Variants in REM2 observed in about 807,000 individuals in gnomAD.
REM2 encodes GTP-binding protein REM 2.
In REM2, 24 loss-of-function variants were observed where a neutral mutation model predicts 24.4. That is an observed-to-expected ratio of 0.98 (90% CI 0.71 to 1.38). REM2 has a LOEUF of 1.38. Ranked by LOEUF, REM2 falls within the 40% of genes most tolerant of loss-of-function variation. REM2 has a pLI of 0.00. For synonymous variants in REM2, 187 were observed against 198.0 expected (o/e 0.94, Z 0.47); for missense variants, 429 against 467.8 (o/e 0.92, Z 0.77).
In REM2 at chr14:22,885,274, T is replaced by G. The variant is rs1595037891; in HGVS notation, c.454T>G (p.Tyr152Asp). ...AHEPENPEDT[Y>D]ERRIMVDKEE... ...TCCCTATTTCCCAGCAGAGGATACC[T>G]ATGAGAGACGCATCATGGTGGATAA... The change falls in exon 3 of 5, where the codon TAT (tyrosine) becomes GAT (aspartate). Residue 152 changes from tyrosine (Y) to aspartate (D), a missense_variant. Tyr to Asp is a radical substitution (Grantham distance 160). Transcript: ENST00000267396. 2 of 1,613,390 alleles carry G rather than the reference T, an allele frequency of 1.2e-6. No individual in the cohort carries two copies. Among genetic ancestry groups the G allele is most frequent in the Non-Finnish European group, 8.5e-7 (1 of 1,179,334 alleles).
Position 22,886,610 on chromosome 14 carries a change from G to A in REM2, c.728-4G>A. ...CGGGCGCCTGAGCCGGTGCCTTCCT[G>A]CAGAGGGCCGCCACCTGGCCGGGAC... On this transcript the variant is annotated splice_region_variant and splice_polypyrimidine_tract_variant and intron_variant, in intron 4 of 4. Transcript: ENST00000267396. The surrounding 1 kb of genome is among the most constrained non-coding windows in gnomAD (Gnocchi z 5.9). 6.9e-7 allele frequency: 1 copy of A among 1,447,806 alleles called. No homozygotes were observed. The highest frequency in any genetic ancestry group is 9.1e-7 in the Non-Finnish European group (1 of 1,099,324). 89.7% of individuals were successfully genotyped at this position (1,447,806 alleles called of 1,614,324 possible).
At chr14:22,885,429 G>A in intron 3 of REM2, 90 bp downstream of exon 3, 3 of 961,902 alleles carry the variant, frequency 3.1e-6, no homozygotes, top group Non-Finnish European at 5.1e-6. Flanking sequence ...GGGACTGCTG[G>A]TCCTGGTTTC....
intron 1 of REM2, chr14:22,884,461 T>C (rs2040101154): frequency 3.0e-6 from 3 of 985,220 alleles, no homozygotes; most frequent in African/African-American, 3.5e-5. Flanking sequence ...TGGGACCGCA[T>C]TGGAGAAGCT....
intron 3 of REM2, among the ~76,000 whole-genome samples, 155 bp from the exon 4 acceptor site, chr14:22,885,869 C>T (rs529060798): frequency 1.3e-5 from 2 of 152,304 alleles, no homozygotes; most frequent in African/African-American, 4.8e-5. Flanking sequence ...CCTCCACAAA[C>T]ACTCTGGGTA....
chr14:22,886,187 G>C lies in REM2; in HGVS notation c.683G>C (p.Gly228Ala). Reference sequence around the variant, plus strand: ...CACGACCTACCCGTTATCCTCGTTGGAAACAAGAGCGACTTGGCCCGCTCC... The same window carrying C: ...CACGACCTACCCGTTATCCTCGTTGCAAACAAGAGCGACTTGGCCCGCTCC... ...PHHDLPVILV[G>A]NKSDLARSRE... Residue 228 changes from glycine (G) to alanine (A), a missense_variant, in exon 4 of 5, where the codon GGA becomes GCA. By Grantham distance (60) the Gly-to-Ala change is moderately conservative. Transcript: ENST00000267396. This position sits in a 1 kb window ranked among gnomAD's most constrained non-coding sequence, Gnocchi z 5.9. 6.2e-7 allele frequency: 1 copy of C among 1,613,876 alleles called. No homozygotes were observed. The highest frequency in any genetic ancestry group is 2.2e-5 in the East Asian group (1 of 44,874).
intron 3 of REM2, among the ~76,000 whole-genome samples, chr14:22,885,563 T>C (rs1004940346): frequency 1.3e-5 from 2 of 152,140 alleles, no homozygotes; most frequent in East Asian, 1.9e-4. Flanking sequence ...AAACTTAGGA[T>C]GGGAATTTGA....
chr14:22,883,375 G>A lies in REM2; in HGVS notation c.88G>A (p.Gly30Arg), dbSNP rs151172050. The stretch of plus-strand genomic sequence containing the variant: ...TGGCAGCCGCCGGGCCTCCCCTCCA[G>A]GGACGCCCACACCAGGTGAGGGCTA... ...PSGSRRASPP[G>R]TPTPEADATL... Residue 30 changes from glycine (G) to arginine (R), a missense_variant, in exon 1 of 5, where the codon GGG becomes AGG. Gly to Arg is a moderately radical substitution (Grantham distance 125). Transcript: ENST00000267396. The A allele has an allele frequency of 2.8e-4, 431 of 1,554,308 alleles. No homozygotes were observed. The highest frequency in any genetic ancestry group is 3.6e-4 in the Non-Finnish European group (416 of 1,148,806).
intron 3 of REM2, among the ~76,000 whole-genome samples, 176 bp downstream of exon 3, chr14:22,885,515 A>G (rs114484411): frequency 0.013 from 2,045 of 152,294 alleles, 46 homozygotes; most frequent in African/African-American, 0.046. Flanking sequence ...TGTGGCTGTT[A>G]AGACCCACAG....
Position 22,886,767 on chromosome 14 carries a change from G to A in REM2, c.881G>A (p.Gly294Asp), listed in dbSNP as rs1302859974. Residue 294 changes from glycine to aspartate, a missense_variant, in exon 5 of 5, where the codon GGC becomes GAC. Physicochemically the swap from Gly to Asp is moderately conservative, Grantham distance 94. Transcript: ENST00000267396. This position sits in a 1 kb window ranked among gnomAD's most constrained non-coding sequence, Gnocchi z 5.9. Reference sequence around the variant, plus strand: ...GCCGGAGGCCAGAGGCCCGATCCGGGCAGCCCCGAGGGCCCTGCGCCACCT... The same window carrying A: ...GCCGGAGGCCAGAGGCCCGATCCGGACAGCCCCGAGGGCCCTGCGCCACCT... ...NHAGGQRPDP[G>D]SPEGPAPPAR... 2 of 1,547,572 alleles carry A rather than the reference G, an allele frequency of 1.3e-6. No individual in the cohort carries two copies. Among genetic ancestry groups the A allele is most frequent in the South Asian group, 2.4e-5 (2 of 83,882 alleles).
At chr14:22,885,389 G>T in intron 3 of REM2, 50 bp downstream of exon 3, 1 of 1,433,862 alleles carries the variant, frequency 7.0e-7, no homozygotes, top group South Asian at 1.1e-5. Context: ...GGGAGAACTG[G>T]GGAAGGGCAA....
chr14:22,884,352 TG>T (rs2040099751), intron 1 of REM2: 1 of 985,442 alleles, frequency 1.0e-6, no homozygotes, highest in Non-Finnish European at 1.2e-6. Flanking sequence ...AGGCCTAGTC[TG>T]GGGGTTTGCC....
Position 22,886,945 on chromosome 14 carries a change from C to A in REM2, c.*36C>A. 7.4e-7 allele frequency: 1 copy of A among 1,351,242 alleles called. No individual in the cohort carries two copies. Among genetic ancestry groups the A allele is most frequent in the South Asian group, 1.7e-5 (1 of 58,766 alleles). 83.7% of individuals were successfully genotyped at this position (1,351,242 alleles called of 1,614,324 possible). A position where few individuals can be genotyped will look rare whatever the true frequency, so the allele number is the denominator to read the frequency against. On this transcript the variant is annotated 3_prime_UTR_variant, in exon 5 of 5. Coordinates refer to ENST00000267396, the MANE Select transcript of REM2 (RefSeq NM_173527.3). The surrounding 1 kb of genome is among the most constrained non-coding windows in gnomAD (Gnocchi z 5.9). Reference sequence around the variant, plus strand: ...CCATGGCCACTGCGGTCGCCATGGTCACCGCGCCCTCCGCTCGCCCCCCCT... The same window carrying A: ...CCATGGCCACTGCGGTCGCCATGGTAACCGCGCCCTCCGCTCGCCCCCCCT...
In REM2 at chr14:22,883,242, C is replaced by T. The variant is rs764533914; in HGVS notation, c.-46C>T. ...CTGCTGAGTGAGGGAGAGGGTGCTG[C>T]GAGCTGCTGGGCTGCACACGCACAC... is the stretch of plus-strand genomic sequence containing the variant. On this transcript the variant is annotated 5_prime_UTR_variant, in exon 1 of 5. Coordinates refer to ENST00000267396, the MANE Select transcript of REM2 (RefSeq NM_173527.3). The T allele has an allele frequency of 3.1e-5, 32 of 1,036,016 alleles. 1 individual carries two copies. In the Middle Eastern group the frequency reaches 6.1e-4, roughly 20 times the overall value. 64.2% of individuals were successfully genotyped at this position (1,036,016 alleles called of 1,614,324 possible).
At chr14:22,884,626 A>G (rs2040103641) in intron 1 of REM2, 48 bp from the exon 2 acceptor site, 2 of 1,554,154 alleles carry the variant, frequency 1.3e-6, no homozygotes, top group Non-Finnish European at 1.7e-6. Flanking sequence ...ATGGTTGAGC[A>G]TATCCCACTC....
At chr14:22,883,525 A>G in intron 1 of REM2, 135 bp downstream of exon 1, 1 of 773,760 alleles carries the variant, frequency 1.3e-6, no homozygotes. Flanking sequence ...GAGAAAGTGG[A>G]GAAGACCCCT....
Position 22,886,753 on chromosome 14 carries a change from G to A in REM2, c.867G>A (p.Gln289=). 1 of 1,542,704 alleles carries A rather than the reference G, an allele frequency of 6.5e-7. No individual in the cohort carries two copies. The highest frequency in any genetic ancestry group is 1.8e-4 in the Middle Eastern group (1 of 5,458). Residue 289 remains glutamine, a synonymous_variant, in exon 5 of 5, where the codon CAG becomes CAA. Transcript: ENST00000267396. This position sits in a 1 kb window ranked among gnomAD's most constrained non-coding sequence, Gnocchi z 5.9. ...LRRGRNHAGG[Q]RPDPGSPEGP... Reference sequence around the variant, plus strand: ...GGGGCCGAAACCACGCCGGAGGCCAGAGGCCCGATCCGGGCAGCCCCGAGG... The same window carrying A: ...GGGGCCGAAACCACGCCGGAGGCCAAAGGCCCGATCCGGGCAGCCCCGAGG...
chr14:22,884,851 CCTCTGGCTCGTCTGA>C lies in REM2; in HGVS notation c.285_299del (p.Gly96_Ser100del). 2 of 1,614,020 alleles carry C rather than the reference CCTCTGGCTCGTCTGA, an allele frequency of 1.2e-6. No homozygotes were observed. The highest frequency in any genetic ancestry group is 1.7e-6 in the Non-Finnish European group (2 of 1,179,874). ...CTTGACTGGCCACCTCAGGCCTCATCCTCTGGCTCGTCTGACTCCTTGGGCTCAGGGGAGGCAGCC... is the reference window on the plus strand; with the variant it reads ...CTTGACTGGCCACCTCAGGCCTCATCCTCCTTGGGCTCAGGGGAGGCAGCC... On this transcript the variant is annotated inframe_deletion, in exon 2 of 5. Coordinates refer to ENST00000267396, the MANE Select transcript of REM2 (RefSeq NM_173527.3).
chr14:22,884,178 T>G (rs1380487496), intron 1 of REM2: 1 of 985,276 alleles, frequency 1.0e-6, no homozygotes, highest in African/African-American at 1.7e-5. Context: ...TTTTTTACTC[T>G]GCTATACCTA....
At position 22,886,640 on chromosome 14, in the gene REM2, A is replaced by T. The variant is rs1460529112; in HGVS notation, c.754A>T (p.Ser252Cys). ...EEGRHLAGTL[S>C]CKHIETSAAL... is the part of the protein sequence containing the mutation. ...GGGCCGCCACCTGGCCGGGACGCTG[A>T]GCTGCAAGCACATCGAGACGTCGGC... Residue 252 changes from serine to cysteine, a missense_variant, in exon 5 of 5, where the codon AGC becomes TGC. Coordinates refer to ENST00000267396, the MANE Select transcript of REM2 (RefSeq NM_173527.3). The surrounding 1 kb of genome is among the most constrained non-coding windows in gnomAD (Gnocchi z 5.9). The T allele has an allele frequency of 2.1e-6, 3 of 1,455,810 alleles. No homozygotes were observed. Among genetic ancestry groups the T allele is most frequent in the East Asian group, 5.0e-5 (2 of 39,676 alleles). The allele number at this position is 1,455,810 out of a possible 1,614,324, so 90.2% of individuals were successfully genotyped here.
Sources: gnomAD v4.1 joint callset for allele counts (sites outside exome capture counted in the v4.1 genomes callset) on GRCh38, gnomAD v4.1.1 for gene constraint, Gnocchi (gnomAD v3.1) non-coding constraint, MANE v1.5 for transcripts, NCBI Gene and HGNC (gene_info 2026-07-23, HGNC 2026-07-21) for gene names.